The following MAN1A1 variants were observed in gnomAD, a reference collection of about 807,000 sequenced individuals.
MAN1A1 encodes mannosidase alpha class 1A member 1.
MAN1A1 carries 29 observed loss-of-function variants against 70.8 expected under a neutral mutation model. That is an observed-to-expected ratio of 0.41 (90% CI 0.31 to 0.56). The LOEUF (loss-of-function observed/expected upper bound fraction) is 0.56, where lower values mean the gene tolerates loss of function less well. Ranked by LOEUF, MAN1A1 falls within the 20% of genes least tolerant of loss-of-function variation. The pLI is 0.29. For missense variants in MAN1A1, 747 were observed against 841.3 expected, an observed-to-expected ratio of 0.89 and a Z score of 1.39; for synonymous variants, 349 against 330.1, an observed-to-expected ratio of 1.06 and a Z score of -0.62.
At chr6:119,236,836 T>A (rs1371222418) in intron 6 of MAN1A1, among the ~76,000 whole-genome samples, 7 of 152,212 alleles carry the variant, frequency 4.6e-5, no homozygotes, top group Admixed American at 4.6e-4. Context: ...ATTGAAAGCC[T>A]TCTGGAAAAG....
rs144719537 is a variant in MAN1A1, at chr6:119,186,249, AAAG to A, written c.1719+2153_1719+2155del. 1.0e-3 allele frequency among the ~76,000 whole-genome samples: 157 copies of A among 152,276 alleles called. 1 individual carries two copies. Among genetic ancestry groups the A allele is most frequent in the African/African-American group, 3.7e-3 (155 of 41,566 alleles). On this transcript the variant is annotated intron_variant, in intron 11 of 12. Coordinates refer to ENST00000368468, the MANE Select transcript of MAN1A1 (RefSeq NM_005907.4). Reference sequence around the variant, plus strand: ...GGTTGATGAGGAACAGCTATCTTGCAAAGATATGGAGGGGAGTCTTGTCTTTAA... The same window carrying A: ...GGTTGATGAGGAACAGCTATCTTGCAATATGGAGGGGAGTCTTGTCTTTAA...
chr6:119,299,021 C>CTT (rs150612067), intron 4 of MAN1A1, among the ~76,000 whole-genome samples: 2 of 147,140 alleles, frequency 1.4e-5, no homozygotes, highest in African/African-American at 5.0e-5. Flanking sequence ...TATAATTTTT[C>CTT]TTTTTTTTTT....
intron 11 of MAN1A1, among the ~76,000 whole-genome samples, chr6:119,185,669 T>C (rs1460019781): frequency 6.6e-6 from 1 of 151,912 alleles, no homozygotes; most frequent in Non-Finnish European, 1.5e-5. Flanking sequence ...CTCCGCCTCC[T>C]GGGTTCATGC....
In MAN1A1 at chr6:119,246,592, T is replaced by C. The variant is rs189850539; in HGVS notation, c.992+1668A>G. Among the ~76,000 whole-genome samples, 285 of 152,266 alleles carry C rather than the reference T, an allele frequency of 1.9e-3. 3 individuals carry two copies. Among genetic ancestry groups the C allele is most frequent in the African/African-American group, 6.4e-3 (267 of 41,546 alleles). ...CAGGTCTTTTGATAACCAATTAGTT[T>C]AGTGTACTACTATGCCCATAACACT... On this transcript the variant is annotated intron_variant, in intron 6 of 12. Transcript: ENST00000368468.
intron 8 of MAN1A1, among the ~76,000 whole-genome samples, chr6:119,194,289 G>A (rs1773511077): frequency 6.6e-6 from 1 of 152,020 alleles, no homozygotes; most frequent in South Asian, 2.1e-4. Context: ...TTTTTTAGAA[G>A]GTGGTTTGTA....
chr6:119,232,186 C>A (rs1249752960), intron 6 of MAN1A1, among the ~76,000 whole-genome samples: 4 of 151,962 alleles, frequency 2.6e-5, no homozygotes, highest in African/African-American at 9.7e-5. Flanking sequence ...TCCTGGCTAA[C>A]ACAGTGAAAC....
intron 2 of MAN1A1, among the ~76,000 whole-genome samples, chr6:119,323,674 T>C (rs1281329891): frequency 6.6e-6 from 1 of 152,212 alleles, no homozygotes; most frequent in African/African-American, 2.4e-5. Flanking sequence ...CCTGTGGTCA[T>C]GCAAGTGTTG....
chr6:119,302,107 A>G lies in MAN1A1; in HGVS notation c.701-4T>C. On this transcript the variant is annotated splice_region_variant and splice_polypyrimidine_tract_variant and intron_variant, in intron 3 of 12. Transcript: ENST00000368468. ...ATAGTTGCTCCTTTGATGTTACCTGAAAAGATCAGAAAAATATTTGATAAA... is the reference window on the plus strand; with the variant it reads ...ATAGTTGCTCCTTTGATGTTACCTGGAAAGATCAGAAAAATATTTGATAAA... The G allele has an allele frequency of 7.5e-7, 1 of 1,334,358 alleles. No homozygotes were observed. The highest frequency in any genetic ancestry group is 1.5e-5 in the African/African-American group (1 of 68,958). 82.7% of individuals were successfully genotyped at this position (1,334,358 alleles called of 1,614,324 possible).
intron 5 of MAN1A1, among the ~76,000 whole-genome samples, chr6:119,270,808 G>C (rs1215847331): frequency 6.6e-6 from 1 of 152,158 alleles, no homozygotes; most frequent in Non-Finnish European, 1.5e-5. Context: ...TAAAATGAGA[G>C]ATCTATTTAT....
chr6:119,189,386 C>T (rs558062485), intron 10 of MAN1A1, among the ~76,000 whole-genome samples: 20 of 152,242 alleles, frequency 1.3e-4, no homozygotes, highest in African/African-American at 4.8e-4. Context: ...AGATAGAGAC[C>T]CTTGCCCAAT....
At chr6:119,286,941 C>G (rs1276081921) in intron 5 of MAN1A1, among the ~76,000 whole-genome samples, 1 of 152,128 alleles carries the variant, frequency 6.6e-6, no homozygotes, top group Non-Finnish European at 1.5e-5. Context: ...CCTACACGTC[C>G]TATCTCCCTA....
At chr6:119,326,851 A>G (rs79535158) in intron 2 of MAN1A1, among the ~76,000 whole-genome samples, 1 of 152,184 alleles carries the variant, frequency 6.6e-6, no homozygotes, top group African/African-American at 2.4e-5. Flanking sequence ...CAAATGAGAT[A>G]TGGGTGAGGA....
At chr6:119,324,708 C>T (rs1239042321) in intron 2 of MAN1A1, among the ~76,000 whole-genome samples, 2 of 152,190 alleles carry the variant, frequency 1.3e-5, no homozygotes, top group African/African-American at 4.8e-5. Context: ...AGCCCTATGG[C>T]TCTCAGTCAT....
intron 4 of MAN1A1, among the ~76,000 whole-genome samples, chr6:119,297,157 T>C (rs1374838352): frequency 2.0e-5 from 3 of 152,234 alleles, no homozygotes; most frequent in African/African-American, 4.8e-5. Context: ...TTTGTTCTTA[T>C]GCAACTGATC....
At chr6:119,215,330 T>C (rs1774170141) in intron 6 of MAN1A1, among the ~76,000 whole-genome samples, 1 of 152,202 alleles carries the variant, frequency 6.6e-6, no homozygotes, top group Non-Finnish European at 1.5e-5. Flanking sequence ...TTACATGGCA[T>C]CAAGCATACA....
chr6:119,276,651 C>G (rs966789469), intron 5 of MAN1A1, among the ~76,000 whole-genome samples: 3 of 152,120 alleles, frequency 2.0e-5, no homozygotes, highest in African/African-American at 7.2e-5. Context: ...GTTCTTTCTA[C>G]CTGACTATAG....
intron 5 of MAN1A1, among the ~76,000 whole-genome samples, chr6:119,266,539 C>CG (rs1554210101): frequency 6.6e-6 from 1 of 150,882 alleles, no homozygotes; most frequent in African/African-American, 2.4e-5. Flanking sequence ...TATACACATA[C>CG]AAAAAAAAAT....
At chr6:119,211,842 GA>G (rs1430717137) in intron 6 of MAN1A1, among the ~76,000 whole-genome samples, 1 of 145,484 alleles carries the variant, frequency 6.9e-6, no homozygotes, top group Non-Finnish European at 1.5e-5. Context: ...ATAATAGTAG[GA>G]ATTTTTTTTT....
At chr6:119,319,777 T>C (rs1772957399) in intron 2 of MAN1A1, among the ~76,000 whole-genome samples, 1 of 152,218 alleles carries the variant, frequency 6.6e-6, no homozygotes, top group African/African-American at 2.4e-5. Context: ...AGCCTAATGT[T>C]CTTTCCTGGC....
Sources: allele counts gnomAD v4.1 joint callset (sites outside exome capture counted in the v4.1 genomes callset), GRCh38; gene constraint gnomAD v4.1.1; transcripts MANE v1.5; gene names NCBI Gene and HGNC (gene_info 2026-07-23, HGNC 2026-07-21).